Variants in AUTS2 observed in about 807,000 individuals in gnomAD.
AUTS2 encodes the protein activator of transcription and developmental regulator AUTS2, also known as autism susceptibility gene 2 protein.
AUTS2 carries 17 observed loss-of-function variants against 112.4 expected under a neutral mutation model. The ratio of observed to expected loss-of-function variants is 0.15; its 90% CI spans 0.10 to 0.23. The LOEUF is 0.23. AUTS2 is among the 10% of genes least tolerant of loss of function. AUTS2 has a pLI of 1.00. For synonymous variants in AUTS2, 751 were observed against 702.7 expected (o/e 1.07, Z -1.09); for missense variants, 1,510 against 1,701.6 (o/e 0.89, Z 1.98).
chr7:70,008,793 C>T (rs1206191232), intron 2 of AUTS2, among the ~76,000 whole-genome samples: 2 of 152,010 alleles, frequency 1.3e-5, no homozygotes, highest in African/African-American at 2.4e-5. Flanking sequence ...TTCCACAATC[C>T]TTTGAATTTG....
chr7:69,802,278 A>G (rs1790119399), intron 1 of AUTS2, among the ~76,000 whole-genome samples: 1 of 152,138 alleles, frequency 6.6e-6, no homozygotes, highest in South Asian at 2.1e-4. Context: ...TTTCCTTTTC[A>G]TGGGTCAGAA....
chr7:70,316,276 C>G (rs1789990744), intron 4 of AUTS2, among the ~76,000 whole-genome samples: 1 of 152,054 alleles, frequency 6.6e-6, no homozygotes, highest in African/African-American at 2.4e-5. Flanking sequence ...ATTGGACAAA[C>G]AAGTGGAAAA....
At chr7:70,378,605 C>T (rs757867262) in intron 4 of AUTS2, among the ~76,000 whole-genome samples, 7 of 152,176 alleles carry the variant, frequency 4.6e-5, no homozygotes, top group Non-Finnish European at 8.8e-5. Context: ...GTTCACACAG[C>T]TAGTATGTGG....
At chr7:69,797,147 C>A (rs1439342076) in intron 1 of AUTS2, among the ~76,000 whole-genome samples, 1 of 152,150 alleles carries the variant, frequency 6.6e-6, no homozygotes, top group East Asian at 1.9e-4. Context: ...AGAATGTAAC[C>A]TCTTGGGGAA....
At chr7:69,792,232 G>GTTTTTTTTTTT (rs148860619) in intron 1 of AUTS2, among the ~76,000 whole-genome samples, 1 of 146,750 alleles carries the variant, frequency 6.8e-6, no homozygotes. Context: ...TTAAGTTGTT[G>GTTTTTTTTTTT]TTTTTTTTTT....
chr7:69,811,152 C>G (rs1790528477), intron 1 of AUTS2, among the ~76,000 whole-genome samples: 1 of 152,112 alleles, frequency 6.6e-6, no homozygotes, highest in Non-Finnish European at 1.5e-5. Flanking sequence ...ACTGGGTTAC[C>G]TTCATAAAAG....
intron 5 of AUTS2, among the ~76,000 whole-genome samples, chr7:70,696,422 C>T (rs1293094419): frequency 6.6e-6 from 1 of 152,170 alleles, no homozygotes; most frequent in Non-Finnish European, 1.5e-5. Context: ...TGGTGTCCAG[C>T]CCTGTGACTT....
At chr7:70,677,643 G>A (rs1356611728) in intron 5 of AUTS2, among the ~76,000 whole-genome samples, 3 of 151,884 alleles carry the variant, frequency 2.0e-5, no homozygotes, top group Non-Finnish European at 2.9e-5. Flanking sequence ...GGCTGGTCTC[G>A]AACTTCTGGC....
chr7:70,625,609 GTACCAA>G (rs1383969356), intron 5 of AUTS2, among the ~76,000 whole-genome samples: 1 of 152,210 alleles, frequency 6.6e-6, no homozygotes, highest in Non-Finnish European at 1.5e-5. Flanking sequence ...GTAACCGCTT[GTACCAA>G]ACACCTGCCA....
At chr7:70,604,416 C>T (rs1803627432) in intron 5 of AUTS2, among the ~76,000 whole-genome samples, 1 of 152,230 alleles carries the variant, frequency 6.6e-6, no homozygotes, top group Non-Finnish European at 1.5e-5. Flanking sequence ...GGCAGAAGTT[C>T]ACCCTTGCTC....
chr7:70,282,280 T>G (rs1433129482), intron 4 of AUTS2, among the ~76,000 whole-genome samples: 1 of 152,230 alleles, frequency 6.6e-6, no homozygotes, highest in Non-Finnish European at 1.5e-5. Flanking sequence ...ATTTTAGTTA[T>G]TTGTTACAGC....
At chr7:70,773,178 C>A (rs989831599) in intron 11 of AUTS2, among the ~76,000 whole-genome samples, 1 of 152,126 alleles carries the variant, frequency 6.6e-6, no homozygotes, top group Non-Finnish European at 1.5e-5. Context: ...TTTTCCCCCC[C>A]TTCTCCTTGT....
At chr7:70,012,384 C>A (rs2129554323) in intron 2 of AUTS2, among the ~76,000 whole-genome samples, 1 of 152,228 alleles carries the variant, frequency 6.6e-6, no homozygotes, top group East Asian at 1.9e-4. Flanking sequence ...CATTGTTAAA[C>A]CTAGACATGA....
At chr7:70,641,103 G>T (rs1805805302) in intron 5 of AUTS2, among the ~76,000 whole-genome samples, 1 of 152,166 alleles carries the variant, frequency 6.6e-6, no homozygotes, top group Non-Finnish European at 1.5e-5. Context: ...TCCATTAGAT[G>T]TTTCTAGTTA....
chr7:70,574,921 G>A (rs1802095219), intron 5 of AUTS2, among the ~76,000 whole-genome samples: 1 of 152,178 alleles, frequency 6.6e-6, no homozygotes, highest in South Asian at 2.1e-4. Context: ...GATCAAGATA[G>A]GACAGAGAGG....
chr7:70,559,692 C>T (rs370814938), intron 5 of AUTS2, among the ~76,000 whole-genome samples: 3 of 152,112 alleles, frequency 2.0e-5, no homozygotes, highest in South Asian at 2.1e-4. Flanking sequence ...ATTTTAGCAC[C>T]GACTCACTCC....
chr7:70,635,404 A>T (rs769628073), intron 5 of AUTS2, among the ~76,000 whole-genome samples: 7 of 152,116 alleles, frequency 4.6e-5, no homozygotes, highest in Non-Finnish European at 8.8e-5. Context: ...CTTTTAGTGG[A>T]GATAGGTTAG....
intron 5 of AUTS2, among the ~76,000 whole-genome samples, chr7:70,612,915 G>A (rs970095208): frequency 6.6e-6 from 1 of 152,012 alleles, no homozygotes; most frequent in African/African-American, 2.4e-5. Context: ...GGGCAGTGCT[G>A]GGCAGGCAGT....
intron 4 of AUTS2, among the ~76,000 whole-genome samples, chr7:70,313,095 A>G (rs1345598252): frequency 6.6e-6 from 1 of 152,180 alleles, no homozygotes; most frequent in East Asian, 1.9e-4. Context: ...AGAGCAACAC[A>G]TTTAGGCTCA....
Sources: allele counts gnomAD v4.1 joint callset (sites outside exome capture counted in the v4.1 genomes callset), GRCh38; gene constraint gnomAD v4.1.1; transcripts MANE v1.5; gene names NCBI Gene and HGNC (gene_info 2026-07-23, HGNC 2026-07-21).